The following ELMO1 variants were observed in gnomAD, a reference collection of about 807,000 sequenced individuals.
ELMO1 encodes engulfment and cell motility protein 1.
ELMO1 carries 26 observed loss-of-function variants against 98.9 expected under a neutral mutation model. That is an observed-to-expected ratio of 0.26 (90% CI 0.19 to 0.36). The LOEUF (loss-of-function observed/expected upper bound fraction) is 0.36, where lower values mean the gene tolerates loss of function less well. ELMO1 is among the 10% of genes least tolerant of loss of function. ELMO1 has a pLI of 1.00. For missense variants in ELMO1, 627 were observed against 935.2 expected (o/e 0.67, Z 4.30); for synonymous variants, 346 against 346.0 (o/e 1.00, Z 0.00).
At chr7:37,413,563 T>C (rs537655896) in intron 1 of ELMO1, among the ~76,000 whole-genome samples, 2 of 152,202 alleles carry the variant, frequency 1.3e-5, no homozygotes, top group Non-Finnish European at 2.9e-5. Context: ...AGAAATCCCC[T>C]TGGCCAAAAA....
chr7:37,332,106 C>T (rs1800158838), intron 2 of ELMO1, among the ~76,000 whole-genome samples: 1 of 152,170 alleles, frequency 6.6e-6, no homozygotes, highest in Non-Finnish European at 1.5e-5. Context: ...AGTAAGGATT[C>T]ATCCATCATC....
chr7:37,182,563 TTC>T (rs139722600), intron 13 of ELMO1, among the ~76,000 whole-genome samples: 3 of 149,508 alleles, frequency 2.0e-5, no homozygotes, highest in South Asian at 2.1e-4. Context: ...CTTTCTCTCT[TTC>T]TCTCTCTCTC....
At chr7:37,263,245 CTT>C (rs1423819468) in intron 5 of ELMO1, among the ~76,000 whole-genome samples, 1 of 150,602 alleles carries the variant, frequency 6.6e-6, no homozygotes. Flanking sequence ...GCAGATCACT[CTT>C]TATATAATTT....
chr7:37,407,333 C>A (rs1338985208), intron 1 of ELMO1, among the ~76,000 whole-genome samples: 1 of 151,968 alleles, frequency 6.6e-6, no homozygotes, highest in Non-Finnish European at 1.5e-5. Context: ...CATGCTGAAA[C>A]CCCGTCTCTA....
chr7:37,047,796 C>T (rs1423779187), intron 15 of ELMO1, among the ~76,000 whole-genome samples: 1 of 151,946 alleles, frequency 6.6e-6, no homozygotes, highest in African/African-American at 2.4e-5. Flanking sequence ...TCAGTTGAGC[C>T]TATCAGATAA....
intron 13 of ELMO1, among the ~76,000 whole-genome samples, chr7:37,155,503 A>ATAAAAAT (rs1554427526): frequency 1.7e-4 from 22 of 131,738 alleles, no homozygotes; most frequent in Non-Finnish European, 2.1e-4. Context: ...AAAAAAAAAA[A>ATAAAAAT]AAAAAGCAGG....
At chr7:37,428,078 T>C (rs909724742) in intron 1 of ELMO1, among the ~76,000 whole-genome samples, 1 of 150,272 alleles carries the variant, frequency 6.7e-6, no homozygotes, top group African/African-American at 2.5e-5. Context: ...CACACACACG[T>C]TGGAGGGGAA....
intron 16 of ELMO1, among the ~76,000 whole-genome samples, chr7:36,953,844 TG>T (rs1788211344): frequency 1.1e-4 from 1 of 9,204 alleles, no homozygotes; most frequent in Non-Finnish European, 1.7e-4. Flanking sequence ...ATGTTTTGTG[TG>T]TGTGTGTGTG....
At chr7:36,981,027 C>T (rs1343699434) in intron 16 of ELMO1, among the ~76,000 whole-genome samples, 1 of 151,922 alleles carries the variant, frequency 6.6e-6, no homozygotes, top group Admixed American at 6.6e-5. Context: ...ATGGGGACCA[C>T]TGGGTCAGAA....
chr7:37,114,869 G>T lies in ELMO1; in HGVS notation c.1192-18142C>A, dbSNP rs544095275. On this transcript the variant is annotated intron_variant, in intron 14 of 21. Coordinates refer to ENST00000310758, the MANE Select transcript of ELMO1 (RefSeq NM_014800.11). ...ATAAAAACAACAAATCTCTAGCCAG[G>T]CTCAACAAGATGAAAGGAAAATGAT... 2.0e-5 allele frequency among the ~76,000 whole-genome samples: 3 copies of T among 152,046 alleles called. No homozygotes were observed. The South Asian group carries it at 6.2e-4, about 32-fold the overall frequency.
chr7:36,998,889 G>A (rs780014226), intron 16 of ELMO1, among the ~76,000 whole-genome samples: 5 of 152,028 alleles, frequency 3.3e-5, no homozygotes, highest in African/African-American at 7.2e-5. Flanking sequence ...TTCAGAAACC[G>A]AGCTGCAGGG....
intron 1 of ELMO1, among the ~76,000 whole-genome samples, chr7:37,379,132 C>T (rs570993493): frequency 6.6e-6 from 1 of 152,176 alleles, no homozygotes; most frequent in Admixed American, 6.5e-5. Flanking sequence ...CTCCGCCTCC[C>T]GGGTTCATGC....
At chr7:37,195,577 G>A (rs867178985) in intron 13 of ELMO1, among the ~76,000 whole-genome samples, 2 of 152,222 alleles carry the variant, frequency 1.3e-5, no homozygotes, top group East Asian at 1.9e-4. Flanking sequence ...GGCTGGAGGC[G>A]GGGCTCCCTG....
intron 14 of ELMO1, among the ~76,000 whole-genome samples, chr7:37,120,419 TC>T (rs1361885324): frequency 2.0e-5 from 3 of 152,198 alleles, no homozygotes; most frequent in African/African-American, 7.2e-5. Context: ...ATTGGGTCAC[TC>T]CCACCCTAAT....
rs114691913 is a variant in ELMO1, at chr7:36,894,535, T to C, written c.1601+319A>G. Among the ~76,000 whole-genome samples, 670 of 152,330 alleles carry C rather than the reference T, an allele frequency of 4.4e-3. 8 individuals carry two copies. Among genetic ancestry groups the C allele is most frequent in the African/African-American group, 0.016 (648 of 41,562 alleles). On this transcript the variant is annotated intron_variant, in intron 17 of 21. Coordinates refer to ENST00000310758, the MANE Select transcript of ELMO1 (RefSeq NM_014800.11). ...GCACCCACATGAAATATAGTTTTAC[T>C]GGTCAAAGAGAAAAAAAATTGTTCC...
chr7:37,359,763 T>A (rs1003821749), intron 1 of ELMO1, among the ~76,000 whole-genome samples: 5 of 152,192 alleles, frequency 3.3e-5, no homozygotes, highest in African/African-American at 7.2e-5. Flanking sequence ...TATCCCTGAC[T>A]CTGAAAGCCA....
intron 16 of ELMO1, among the ~76,000 whole-genome samples, chr7:37,011,639 A>G (rs1251587215): frequency 6.6e-6 from 1 of 152,212 alleles, no homozygotes; most frequent in Non-Finnish European, 1.5e-5. Flanking sequence ...CTGATGCCCA[A>G]ATCCGTAACA....
chr7:37,148,068 A>G (rs941679227), intron 13 of ELMO1, among the ~76,000 whole-genome samples: 1 of 152,224 alleles, frequency 6.6e-6, no homozygotes, highest in African/African-American at 2.4e-5. Context: ...CAGCAGAGAC[A>G]CTGTCTAGGG....
At chr7:36,872,477 T>C (rs2089141554) in intron 19 of ELMO1, among the ~76,000 whole-genome samples, 1 of 152,246 alleles carries the variant, frequency 6.6e-6, no homozygotes, top group African/African-American at 2.4e-5. Flanking sequence ...TGTTTATCCC[T>C]GCAGCACAAG....
Sources: gnomAD v4.1 joint callset for allele counts (sites outside exome capture counted in the v4.1 genomes callset) on GRCh38, gnomAD v4.1.1 for gene constraint, MANE v1.5 for transcripts, NCBI Gene and HGNC (gene_info 2026-07-23, HGNC 2026-07-21) for gene names.